The following FGGY variants were observed in gnomAD, a reference collection of about 807,000 sequenced individuals.
FGGY encodes the protein FGGY carbohydrate kinase domain-containing protein.
A neutral mutation model predicts 71.3 loss-of-function variants in FGGY; 72 were observed. That is an observed-to-expected ratio of 1.01 (90% CI 0.84 to 1.23). The LOEUF is 1.23. Among genes scored for constraint, FGGY ranks in the 50% most tolerant of loss-of-function variants. FGGY has a pLI of 0.00. For synonymous variants in FGGY, 251 were observed against 250.3 expected, an observed-to-expected ratio of 1.00 and a Z score of -0.02; for missense variants, 668 against 682.3, an observed-to-expected ratio of 0.98 and a Z score of 0.23.
chr1:59,534,295 G>C (rs2095251173), intron 7 of FGGY, among the ~76,000 whole-genome samples: 1 of 152,116 alleles, frequency 6.6e-6, no homozygotes, highest in African/African-American at 2.4e-5. Flanking sequence ...AGAATAAAAA[G>C]AAACGAACAA....
intron 8 of FGGY, among the ~76,000 whole-genome samples, chr1:59,601,127 T>C (rs1164642361): frequency 1.3e-5 from 2 of 152,124 alleles, no homozygotes; most frequent in South Asian, 4.1e-4. Flanking sequence ...CACACATGCC[T>C]GTGGCTACCC....
chr1:59,646,411 A>G (rs1176470415), intron 11 of FGGY, among the ~76,000 whole-genome samples: 2 of 151,688 alleles, frequency 1.3e-5, no homozygotes, highest in Non-Finnish European at 2.9e-5. Context: ...GATTATATAT[A>G]TATAATCACA....
intron 6 of FGGY, among the ~76,000 whole-genome samples, chr1:59,476,033 A>G (rs564608000): frequency 2.0e-5 from 3 of 152,220 alleles, no homozygotes; most frequent in East Asian, 1.9e-4. Flanking sequence ...TCCAACCACA[A>G]TGACCTTCTT....
intron 4 of FGGY, among the ~76,000 whole-genome samples, chr1:59,364,687 G>A (rs373530472): frequency 5.2e-4 from 79 of 152,294 alleles, no homozygotes; most frequent in African/African-American, 1.9e-3. Flanking sequence ...GCAGTGATAG[G>A]GATATTCATA....
chr1:59,337,835 C>T (rs1474864103), intron 2 of FGGY, among the ~76,000 whole-genome samples: 2 of 152,090 alleles, frequency 1.3e-5, no homozygotes, highest in Non-Finnish European at 2.9e-5. Context: ...CTTTTCTAAT[C>T]TGTATGCTTT....
intron 7 of FGGY, among the ~76,000 whole-genome samples, chr1:59,532,347 AC>A (rs1246689859): frequency 6.6e-6 from 1 of 152,198 alleles, no homozygotes; most frequent in Non-Finnish European, 1.5e-5. Context: ...AAATACACAA[AC>A]AAGTATGAGA....
intron 9 of FGGY, among the ~76,000 whole-genome samples, chr1:59,621,842 A>G (rs891230765): frequency 5.9e-5 from 9 of 151,774 alleles, no homozygotes; most frequent in African/African-American, 2.2e-4. Context: ...CCTTTCACCA[A>G]GTTTGGGAAA....
At chr1:59,679,200 C>G (rs2097468244) in intron 14 of FGGY, among the ~76,000 whole-genome samples, 1 of 152,170 alleles carries the variant, frequency 6.6e-6, no homozygotes, top group Non-Finnish European at 1.5e-5. Context: ...ATGAAATTCA[C>G]TTCATTTAGG....
chr1:59,318,150 T>A (rs895284761), intron 1 of FGGY, among the ~76,000 whole-genome samples: 1 of 152,230 alleles, frequency 6.6e-6, no homozygotes, highest in Admixed American at 6.5e-5. Flanking sequence ...CTGGAGCAAG[T>A]TACTTTACCT....
chr1:59,685,175 A>C (rs908887781), intron 14 of FGGY, among the ~76,000 whole-genome samples: 2 of 152,136 alleles, frequency 1.3e-5, no homozygotes, highest in African/African-American at 4.8e-5. Context: ...TGCTAGAAAT[A>C]GGGTAGACGC....
intron 5 of FGGY, among the ~76,000 whole-genome samples, chr1:59,410,522 T>A (rs1369521633): frequency 6.6e-6 from 1 of 152,204 alleles, no homozygotes; most frequent in Non-Finnish European, 1.5e-5. Context: ...GGGGCACATG[T>A]GAGAACTATA....
intron 9 of FGGY, among the ~76,000 whole-genome samples, chr1:59,614,582 C>G (rs937298342): frequency 2.6e-5 from 4 of 152,214 alleles, no homozygotes; most frequent in Admixed American, 6.5e-5. Flanking sequence ...CCTTTGAAAA[C>G]TGTCACAAGA....
At chr1:59,588,625 G>A (rs2096361927) in intron 8 of FGGY, among the ~76,000 whole-genome samples, 2 of 151,944 alleles carry the variant, frequency 1.3e-5, no homozygotes, top group Non-Finnish European at 2.9e-5. Context: ...AGAGAGTGGG[G>A]GCCAATATTT....
chr1:59,655,893 G>GA (rs1245259843), intron 11 of FGGY, among the ~76,000 whole-genome samples: 1 of 152,132 alleles, frequency 6.6e-6, no homozygotes, highest in African/African-American at 2.4e-5. Flanking sequence ...CTAAATTAGA[G>GA]AAAATGTCAA....
intron 11 of FGGY, chr1:59,641,486 A>C (rs1558643135): frequency 4.5e-6 from 3 of 671,192 alleles, no homozygotes; most frequent in Non-Finnish European, 7.7e-6. Context: ...TTCACATAAA[A>C]GTAGGGGAGG....
intron 5 of FGGY, among the ~76,000 whole-genome samples, chr1:59,415,992 C>G (rs1405067758): frequency 6.6e-6 from 1 of 152,188 alleles, no homozygotes; most frequent in Non-Finnish European, 1.5e-5. Context: ...GTGATCTCAG[C>G]TTTGGTCAAG....
chr1:59,565,394 C>T (rs550753857), intron 8 of FGGY, among the ~76,000 whole-genome samples: 4 of 152,264 alleles, frequency 2.6e-5, no homozygotes, highest in Admixed American at 2.0e-4. Context: ...ACGCCAGTCT[C>T]CTGCCTCAGC....
At chr1:59,437,536 A>G (rs567872554) in intron 5 of FGGY, among the ~76,000 whole-genome samples, 4 of 152,156 alleles carry the variant, frequency 2.6e-5, no homozygotes, top group Non-Finnish European at 4.4e-5. Flanking sequence ...CCTGCTTTCA[A>G]AGCAATGGGT....
intron 10 of FGGY, among the ~76,000 whole-genome samples, chr1:59,629,190 A>C (rs959947733): frequency 6.6e-6 from 1 of 152,060 alleles, no homozygotes; most frequent in Non-Finnish European, 1.5e-5. Context: ...CATTGTGTAC[A>C]TGTACCCTGG....
Sources: gnomAD v4.1 joint callset for allele counts (sites outside exome capture counted in the v4.1 genomes callset) on GRCh38, gnomAD v4.1.1 for gene constraint, MANE v1.5 for transcripts, NCBI Gene and HGNC (gene_info 2026-07-23, HGNC 2026-07-21) for gene names.